Variants in GUCD1 observed in about 807,000 individuals in gnomAD.
GUCD1 encodes the protein guanylyl cyclase domain containing 1.
A neutral mutation model predicts 28.3 loss-of-function variants in GUCD1; 17 were observed. The observed-to-expected ratio is 0.60, with a 90% CI of 0.41 to 0.90. The LOEUF (loss-of-function observed/expected upper bound fraction) is 0.90, where lower values mean the gene tolerates loss of function less well. Ranked by LOEUF, GUCD1 falls within the 40% of genes least tolerant of loss-of-function variation. The pLI is 0.00. For missense variants in GUCD1, 279 were observed against 305.5 expected (o/e 0.91, Z 0.65); for synonymous variants, 129 against 123.3 (o/e 1.05, Z -0.30).
intron 3 of GUCD1, 84 bp from the exon 4 acceptor site, chr22:24,547,089 C>G: frequency 9.2e-7 from 1 of 1,084,942 alleles, no homozygotes; most frequent in Non-Finnish European, 1.4e-6. Flanking sequence ...GAGCGTGTTA[C>G]AGAGGCAGAG....
chr22:24,553,482 C>G (rs903808883), intron 1 of GUCD1, among the ~76,000 whole-genome samples: 3 of 152,204 alleles, frequency 2.0e-5, no homozygotes, highest in Admixed American at 1.3e-4. Context: ...CTTAGATATG[C>G]TTGGGGAATG....
At chr22:24,549,465 C>T (rs760286959) in intron 1 of GUCD1, among the ~76,000 whole-genome samples, 2 of 152,146 alleles carry the variant, frequency 1.3e-5, no homozygotes, top group Non-Finnish European at 2.9e-5. Context: ...TCCCACCATG[C>T]CTACTCAAAG....
At chr22:24,547,201 C>T (rs529504606) in intron 3 of GUCD1, 196 bp from the exon 4 acceptor site, 102 of 575,416 alleles carry the variant, frequency 1.8e-4, no homozygotes, top group Admixed American at 1.6e-3. Flanking sequence ...GGAAGCAGGA[C>T]CACACAGAGG....
At chr22:24,549,463 T>G (rs1307819519) in intron 1 of GUCD1, among the ~76,000 whole-genome samples, 1 of 152,102 alleles carries the variant, frequency 6.6e-6, no homozygotes, top group Non-Finnish European at 1.5e-5. Flanking sequence ...CTTCCCACCA[T>G]GCCTACTCAA....
chr22:24,543,530 T>A (rs930077911), intron 5 of GUCD1, among the ~76,000 whole-genome samples: 7 of 151,398 alleles, frequency 4.6e-5, no homozygotes, highest in African/African-American at 1.7e-4. Context: ...ATCCTGGTGG[T>A]TGGGGGAGGG....
At chr22:24,547,418 G>A in intron 3 of GUCD1, 1 of 197,862 alleles carries the variant, frequency 5.1e-6, no homozygotes, top group Non-Finnish European at 1.0e-5. Flanking sequence ...CACTTTGCTG[G>A]CATGGCTATG....
In GUCD1 at chr22:24,544,092, G is replaced by A. The variant is rs773868304; in HGVS notation, c.387-9C>T. ...CCTTCACACTCACTGTGCTGTGGGC[G>A]GGAGGGGGGTCAGCTGGTGCTGCTG... is the stretch of plus-strand genomic sequence containing the variant. On this transcript the variant is annotated splice_polypyrimidine_tract_variant and intron_variant, in intron 4 of 5. Transcript: ENST00000435822. The A allele has an allele frequency of 3.7e-5, 60 of 1,605,540 alleles. No homozygotes were observed. In the South Asian group the frequency reaches 5.0e-4, roughly 13 times the overall value.
upstream of GUCD1, chr22:24,555,719 C>T (rs1300850752): frequency 6.4e-7 from 1 of 1,550,566 alleles, no homozygotes; most frequent in South Asian, 1.2e-5. Context: ...GCGTCTCCGC[C>T]TTGCCGTCCA....
At chr22:24,546,838 C>A in intron 4 of GUCD1, 76 bp downstream of exon 4, 1 of 1,314,934 alleles carries the variant, frequency 7.6e-7, no homozygotes, top group South Asian at 1.2e-5. Context: ...GAACACCATC[C>A]CGAGGCCTCC....
chr22:24,546,262 C>T (rs554572778), intron 4 of GUCD1, among the ~76,000 whole-genome samples: 5 of 152,340 alleles, frequency 3.3e-5, no homozygotes, highest in African/African-American at 1.2e-4. Context: ...CGCCCGGCCC[C>T]CAAACCCCCA....
chr22:24,551,600 C>T (rs1206756726), intron 1 of GUCD1, among the ~76,000 whole-genome samples: 2 of 152,220 alleles, frequency 1.3e-5, no homozygotes, highest in Non-Finnish European at 2.9e-5. Context: ...AAACTCTCTC[C>T]CGGCTGCTGT....
chr22:24,551,782 C>T (rs946760160), intron 1 of GUCD1, among the ~76,000 whole-genome samples: 7 of 152,348 alleles, frequency 4.6e-5, no homozygotes, highest in Middle Eastern at 3.4e-3. Context: ...TCTCTTGAGA[C>T]GGCAAGCTTC....
At chr22:24,547,067 G>A in intron 3 of GUCD1, 62 bp from the exon 4 acceptor site, 5 of 1,292,340 alleles carry the variant, frequency 3.9e-6, no homozygotes, top group Non-Finnish European at 4.5e-6. Flanking sequence ...CCATTTAGAT[G>A]AAGGAAATAA....
At position 24,555,113 on chromosome 22, in the gene GUCD1, G is replaced by A. The variant is rs1283784308; in HGVS notation, c.-122C>T. On this transcript the variant is annotated 5_prime_UTR_variant, in exon 1 of 6. Coordinates refer to ENST00000435822, the MANE Select transcript of GUCD1 (RefSeq NM_001284254.2). ...CCTTCTCCGCCACCGCCGCCGCTGCGGAGGAGAGAACGGGAGGCGGCGGCT... is the reference window on the plus strand; with the variant it reads ...CCTTCTCCGCCACCGCCGCCGCTGCAGAGGAGAGAACGGGAGGCGGCGGCT... The A allele has an allele frequency of 6.1e-6, 8 of 1,317,086 alleles. No individual in the cohort carries two copies. Among genetic ancestry groups the A allele is most frequent in the Non-Finnish European group, 7.7e-6 (8 of 1,032,998 alleles). The allele number at this position is 1,317,086 out of a possible 1,614,324, so 81.6% of individuals were successfully genotyped here. A position where few individuals can be genotyped will look rare whatever the true frequency, so the allele number is the denominator to read the frequency against.
chr22:24,555,012 C>A lies in GUCD1; in HGVS notation c.-21G>T, dbSNP rs763562474. Reference sequence around the variant, plus strand: ...CTCATGACCCGGGCGGCGCGGGGCGCCCATGGCCCCGGCCCAGAGCGGGCT... The same window carrying A: ...CTCATGACCCGGGCGGCGCGGGGCGACCATGGCCCCGGCCCAGAGCGGGCT... On this transcript the variant is annotated 5_prime_UTR_variant, in exon 1 of 6. Coordinates refer to ENST00000435822, the MANE Select transcript of GUCD1 (RefSeq NM_001284254.2). 8 of 1,491,994 alleles carry A rather than the reference C, an allele frequency of 5.4e-6. No individual in the cohort carries two copies. The highest frequency in any genetic ancestry group is 6.2e-6 in the Non-Finnish European group (7 of 1,125,768). The allele number at this position is 1,491,994 out of a possible 1,614,324, so 92.4% of individuals were successfully genotyped here.
At chr22:24,552,326 A>G (rs1424727631) in intron 1 of GUCD1, among the ~76,000 whole-genome samples, 1 of 152,250 alleles carries the variant, frequency 6.6e-6, no homozygotes, top group Non-Finnish European at 1.5e-5. Flanking sequence ...TTAAATTTCT[A>G]TTGTTTCTAA....
At chr22:24,554,491 C>A (rs1294216972) in intron 1 of GUCD1, among the ~76,000 whole-genome samples, 1 of 152,232 alleles carries the variant, frequency 6.6e-6, no homozygotes, top group Admixed American at 6.5e-5. Flanking sequence ...AGCAAACTAA[C>A]GGCCAAGACA....
chr22:24,545,457 C>T (rs530154766), intron 4 of GUCD1, among the ~76,000 whole-genome samples: 11 of 152,174 alleles, frequency 7.2e-5, no homozygotes, highest in African/African-American at 2.4e-4. Flanking sequence ...CTCTCCTCCT[C>T]AGTTTCCTCC....
At chr22:24,555,349 A>G, upstream of GUCD1, 2 of 1,363,374 alleles carry the variant, frequency 1.5e-6, no homozygotes, top group Non-Finnish European at 1.9e-6. Context: ...CGGGCCCCGG[A>G]AGCCCCGCCC....
Sources: allele counts gnomAD v4.1 joint callset (sites outside exome capture counted in the v4.1 genomes callset), GRCh38; gene constraint gnomAD v4.1.1; transcripts MANE v1.5; gene names NCBI Gene and HGNC (gene_info 2026-07-23, HGNC 2026-07-21).